RMDN2: variants seen among roughly 807,000 people sequenced by gnomAD.
RMDN2 encodes regulator of microtubule dynamics protein 2.
In RMDN2, 61 loss-of-function variants were observed where a neutral mutation model predicts 52.8. The ratio of observed to expected loss-of-function variants is 1.16; its 90% CI spans 0.94 to 1.43. The LOEUF (loss-of-function observed/expected upper bound fraction) is 1.43, where lower values mean the gene tolerates loss of function less well. Among genes scored for constraint, RMDN2 ranks in the 40% most tolerant of loss-of-function variants. The pLI is 0.00. For synonymous variants in RMDN2, 180 were observed against 153.1 expected (o/e 1.18, Z -1.30); for missense variants, 592 against 475.3 (o/e 1.25, Z -2.28).
chr2:38,043,252 C>G (rs1681075373), intron 10 of RMDN2, among the ~76,000 whole-genome samples: 1 of 152,156 alleles, frequency 6.6e-6, no homozygotes, highest in Admixed American at 6.5e-5. Context: ...GTGACCATCT[C>G]TGTGTCTCTG....
At position 37,965,052 on chromosome 2, in the gene RMDN2, T is replaced by C. The variant is rs185695300; in HGVS notation, c.453-8988T>C. Among the ~76,000 whole-genome samples the C allele has an allele frequency of 2.0e-5, 3 of 152,246 alleles. No homozygotes were observed. The East Asian group carries it at 5.8e-4, about 29-fold the overall frequency. On this transcript the variant is annotated intron_variant, in intron 2 of 10. Coordinates refer to ENST00000354545, the MANE Select transcript of RMDN2 (RefSeq NM_001170791.3). The stretch of plus-strand genomic sequence containing the variant: ...TCTACTAGTATAGCCACTCCCACTC[T>C]CTTTTGTTTACTGTTTTCATGAAAT...
At chr2:38,057,122 T>G (rs1681880938) in intron 10 of RMDN2, among the ~76,000 whole-genome samples, 1 of 152,168 alleles carries the variant, frequency 6.6e-6, no homozygotes, top group Non-Finnish European at 1.5e-5. Flanking sequence ...ATAAAGTGCT[T>G]TAGAAACATG....
chr2:38,040,045 CATTATTATTATTATT>C (rs60031771), intron 10 of RMDN2, among the ~76,000 whole-genome samples: 3 of 141,670 alleles, frequency 2.1e-5, no homozygotes, highest in South Asian at 2.3e-4. Flanking sequence ...TGTCTAGATT[CATTATTATTATTATT>C]ATTATTATTA....
At chr2:37,930,814 G>A (rs1371394814) in intron 2 of RMDN2, among the ~76,000 whole-genome samples, 7 of 152,204 alleles carry the variant, frequency 4.6e-5, no homozygotes, top group Non-Finnish European at 7.4e-5. Flanking sequence ...GGGAAAGGGA[G>A]GAGGTGCTAG....
intron 2 of RMDN2, among the ~76,000 whole-genome samples, chr2:37,936,461 C>G (rs1667295643): frequency 1.3e-5 from 2 of 152,260 alleles, no homozygotes; most frequent in South Asian, 4.1e-4. Flanking sequence ...TCCTTGAGGA[C>G]TTGCCACACT....
intron 10 of RMDN2, chr2:38,039,423 T>C (rs770955301): frequency 2.6e-5 from 4 of 152,174 alleles, no homozygotes; most frequent in Non-Finnish European, 5.9e-5. Context: ...TTCTCAGAAG[T>C]CGCTGACCCT....
At chr2:37,984,884 T>C (rs1209395834) in intron 5 of RMDN2, among the ~76,000 whole-genome samples, 1 of 151,966 alleles carries the variant, frequency 6.6e-6, no homozygotes, top group African/African-American at 2.4e-5. Flanking sequence ...ATGAACAGTA[T>C]TAAAAAATCA....
intron 2 of RMDN2, among the ~76,000 whole-genome samples, chr2:37,970,068 G>C (rs546735521): frequency 1.3e-5 from 2 of 152,052 alleles, no homozygotes; most frequent in African/African-American, 4.8e-5. Context: ...GAGTAGTTGG[G>C]ACTACAGGTG....
At chr2:37,932,215 C>T (rs1001562396) in intron 2 of RMDN2, among the ~76,000 whole-genome samples, 1 of 149,316 alleles carries the variant, frequency 6.7e-6, no homozygotes, top group East Asian at 2.0e-4. Flanking sequence ...TGCGGCCTTC[C>T]GCAGTGTTTG....
upstream of RMDN2, among the ~76,000 whole-genome samples, chr2:37,923,812 C>T (rs1370063269): frequency 3.9e-5 from 6 of 152,152 alleles, no homozygotes; most frequent in Non-Finnish European, 5.9e-5. Context: ...AGCAGTGGCC[C>T]GATCTCGGCT....
chr2:38,052,729 C>G (rs1246928204), intron 10 of RMDN2, among the ~76,000 whole-genome samples: 5 of 152,150 alleles, frequency 3.3e-5, no homozygotes, highest in Non-Finnish European at 5.9e-5. Flanking sequence ...CTGCCATCAC[C>G]AGCAATTGGT....
chr2:37,973,096 G>GT (rs34848754), intron 2 of RMDN2, among the ~76,000 whole-genome samples: 63,504 of 151,794 alleles, frequency 0.42, 14,703 homozygotes, highest in East Asian at 0.79. Context: ...AAATTTGTGT[G>GT]TTTTTTATAT....
chr2:38,058,735 C>T (rs1681934240), intron 10 of RMDN2, among the ~76,000 whole-genome samples: 1 of 152,074 alleles, frequency 6.6e-6, no homozygotes, highest in Non-Finnish European at 1.5e-5. Context: ...TCAGACCTAC[C>T]TACTCTAAGA....
chr2:37,970,780 A>C (rs1204928140), intron 2 of RMDN2, among the ~76,000 whole-genome samples: 1 of 152,192 alleles, frequency 6.6e-6, no homozygotes, highest in Non-Finnish European at 1.5e-5. Flanking sequence ...AATAACATAA[A>C]GATAATAGCT....
chr2:37,930,488 GA>G (rs1666640712), intron 2 of RMDN2, among the ~76,000 whole-genome samples: 1 of 152,206 alleles, frequency 6.6e-6, no homozygotes, highest in Non-Finnish European at 1.5e-5. Flanking sequence ...CACCAGAGGG[GA>G]ACCTGGGAGC....
downstream of RMDN2, among the ~76,000 whole-genome samples, chr2:38,021,853 G>A (rs768178057): frequency 3.3e-5 from 5 of 152,208 alleles, no homozygotes; most frequent in Non-Finnish European, 5.9e-5. Flanking sequence ...GTCATGCTGT[G>A]AGGCCCAGTT....
In RMDN2 at chr2:38,017,365, A is replaced by G; in HGVS notation, c.*126A>G. 1 of 1,397,850 alleles carries G rather than the reference A, an allele frequency of 7.2e-7. No homozygotes were observed. Among genetic ancestry groups the G allele is most frequent in the Non-Finnish European group, 9.3e-7 (1 of 1,070,232 alleles). 86.6% of individuals were successfully genotyped at this position (1,397,850 alleles called of 1,614,324 possible). On this transcript the variant is annotated 3_prime_UTR_variant, in exon 11 of 11. Coordinates refer to ENST00000354545, the MANE Select transcript of RMDN2 (RefSeq NM_001170791.3). ...TGTGCTTAGATTTGAAGGTAAAGCC[A>G]TGTTTCTGCAGAATGCATTCCACTA...
At chr2:38,032,432 C>T (rs916077638) in intron 10 of RMDN2, among the ~76,000 whole-genome samples, 2 of 152,186 alleles carry the variant, frequency 1.3e-5, no homozygotes, top group African/African-American at 4.8e-5. Context: ...ATAGTTCATT[C>T]CATTTTGTTG....
chr2:38,040,350 T>C (rs1017601247), intron 10 of RMDN2, among the ~76,000 whole-genome samples: 1 of 152,190 alleles, frequency 6.6e-6, no homozygotes, highest in Admixed American at 6.5e-5. Context: ...ATGCCCGATA[T>C]GATGGTATTA....
Sources: gnomAD v4.1 joint callset for allele counts (sites outside exome capture counted in the v4.1 genomes callset) on GRCh38, gnomAD v4.1.1 for gene constraint, MANE v1.5 for transcripts, NCBI Gene and HGNC (gene_info 2026-07-23, HGNC 2026-07-21) for gene names.